DYM: variants seen among roughly 807,000 people sequenced by gnomAD.
The protein encoded by DYM is dymeclin, also known as dyggve-Melchior-Clausen syndrome protein.
Under a neutral mutation model 93.1 loss-of-function variants are expected in DYM, and 78 were observed. The observed-to-expected ratio is 0.84, with a 90% CI of 0.70 to 1.01. The LOEUF is 1.01. Among genes scored for constraint, DYM ranks in the 50% least tolerant of loss-of-function variants. The pLI, the probability that DYM is intolerant of heterozygous loss-of-function variation, is 0.00. For missense variants in DYM, 789 were observed against 845.0 expected (o/e 0.93, Z 0.82); for synonymous variants, 321 against 319.7 (o/e 1.00, Z -0.04).
chr18:49,111,412 T>C (rs2081378755), intron 16 of DYM, among the ~76,000 whole-genome samples: 2 of 152,316 alleles, frequency 1.3e-5, no homozygotes, highest in Non-Finnish European at 2.9e-5. Context: ...TACATTTTTC[T>C]TGCCTTTTTA....
At chr18:49,060,681 G>A (rs2075890990) in intron 17 of DYM, among the ~76,000 whole-genome samples, 1 of 72,530 alleles carries the variant, frequency 1.4e-5, no homozygotes, top group Non-Finnish European at 2.9e-5. Flanking sequence ...GGGGAAGGGA[G>A]GGGGGAGGGG....
intron 6 of DYM, among the ~76,000 whole-genome samples, chr18:49,335,044 T>C (rs1321108126): frequency 6.6e-6 from 1 of 151,926 alleles, no homozygotes; most frequent in Non-Finnish European, 1.5e-5. Context: ...GAGGCGGAAG[T>C]TGCAGTGAGC....
In DYM at chr18:49,038,196, G is replaced by A. The variant is rs2070773969; in HGVS notation, c.*5859C>T. ...GTTTGAAAAGTATGTTATTGAGTTT[G>A]GTGTCCTACATACATCCGTTTGGTT... On this transcript the variant is annotated 3_prime_UTR_variant, in exon 18 of 18. Coordinates refer to ENST00000675505, the MANE Select transcript of DYM (RefSeq NM_001353214.3). Among the ~76,000 whole-genome samples, 1 of 151,984 alleles carries A rather than the reference G, an allele frequency of 6.6e-6. No homozygotes were observed. Among genetic ancestry groups the A allele is most frequent in the Non-Finnish European group, 1.5e-5 (1 of 68,016 alleles).
At chr18:49,265,778 CAAAAAA>C (rs202068472) in intron 11 of DYM, among the ~76,000 whole-genome samples, 3 of 53,136 alleles carry the variant, frequency 5.6e-5, no homozygotes, top group Non-Finnish European at 1.1e-4. Context: ...AACTCCATCT[CAAAAAA>C]AAAAAAAAAA....
chr18:49,276,702 T>A (rs1469906478), intron 10 of DYM, among the ~76,000 whole-genome samples: 1 of 152,160 alleles, frequency 6.6e-6, no homozygotes, highest in Non-Finnish European at 1.5e-5. Flanking sequence ...TTATAAAGTG[T>A]CTTGTTAGCC....
chr18:49,074,725 C>A (rs1021560194), intron 17 of DYM, among the ~76,000 whole-genome samples: 12 of 152,128 alleles, frequency 7.9e-5, no homozygotes, highest in African/African-American at 2.9e-4. Context: ...AGTTTAACGG[C>A]CAAAAGCAAA....
chr18:49,103,497 T>C (rs1398054463), intron 16 of DYM, among the ~76,000 whole-genome samples: 3 of 152,240 alleles, frequency 2.0e-5, no homozygotes, highest in African/African-American at 4.8e-5. Context: ...TATGTCTATG[T>C]CCTGAATGGT....
At position 49,316,596 on chromosome 18, in the gene DYM, G is replaced by A. The variant is rs1318618025; in HGVS notation, c.763+15268C>T. ...GATAATAAAAACAACGTTTACTGAA[G>A]TTTATAACAATAGGAGAAATGTGAT... On this transcript the variant is annotated intron_variant, in intron 8 of 17. Transcript: ENST00000675505. Among the ~76,000 whole-genome samples, 5 of 152,152 alleles carry A rather than the reference G, an allele frequency of 3.3e-5. No homozygotes were observed. The East Asian group carries it at 5.8e-4, about 18-fold the overall frequency.
chr18:49,433,541 T>C (rs1209529405), intron 1 of DYM, among the ~76,000 whole-genome samples: 4 of 152,062 alleles, frequency 2.6e-5, no homozygotes, highest in African/African-American at 9.7e-5. Flanking sequence ...AGAAAATATG[T>C]AAAGTTAGTA....
At chr18:49,203,926 G>A (rs1190374318) in intron 14 of DYM, among the ~76,000 whole-genome samples, 1 of 40,920 alleles carries the variant, frequency 2.4e-5, no homozygotes, top group Admixed American at 2.6e-4. Flanking sequence ...AATTCTATGG[G>A]GCAGAGCTGC....
chr18:49,050,992 T>C (rs2072368507), intron 17 of DYM, among the ~76,000 whole-genome samples: 1 of 152,068 alleles, frequency 6.6e-6, no homozygotes, highest in Non-Finnish European at 1.5e-5. Flanking sequence ...CACTCCATTA[T>C]AGAGATTTAA....
Position 49,391,583 on chromosome 18 carries a change from TC to T in DYM, c.193+9del. 1.2e-6 allele frequency: 2 copies of T among 1,613,292 alleles called. No individual in the cohort carries two copies. The highest frequency in any genetic ancestry group is 3.3e-5 in the Admixed American group (2 of 60,010). On this transcript the variant is annotated intron_variant, in intron 3 of 17. Coordinates refer to ENST00000675505, the MANE Select transcript of DYM (RefSeq NM_001353214.3). ...GAAAACAACACCCCACACACATTTTTCCCACTTACCTAATGACCTGCAGACT... is the reference window on the plus strand; with the variant it reads ...GAAAACAACACCCCACACACATTTTTCCACTTACCTAATGACCTGCAGACT...
chr18:49,238,791 C>CA (rs796615887), intron 13 of DYM, among the ~76,000 whole-genome samples: 1,468 of 93,864 alleles, frequency 0.016, 20 homozygotes, highest in African/African-American at 0.035. Context: ...GACTCCGTCT[C>CA]AAAAAAAAAA....
At chr18:49,053,733 C>T (rs372572788) in intron 17 of DYM, among the ~76,000 whole-genome samples, 1 of 152,144 alleles carries the variant, frequency 6.6e-6, no homozygotes, top group Non-Finnish European at 1.5e-5. Context: ...TTGGGGATTA[C>T]GTAGCCTCAC....
chr18:49,095,467 T>G (rs1241778870), intron 17 of DYM, among the ~76,000 whole-genome samples: 1 of 151,738 alleles, frequency 6.6e-6, no homozygotes, highest in African/African-American at 2.4e-5. Flanking sequence ...TTTTGTTTTG[T>G]TTTTAAACTG....
intron 13 of DYM, among the ~76,000 whole-genome samples, chr18:49,225,050 C>T (rs932295036): frequency 1.3e-5 from 2 of 152,046 alleles, no homozygotes; most frequent in Non-Finnish European, 1.5e-5. Context: ...TGGTGACCAA[C>T]AATTCTTTTC....
At chr18:49,370,295 A>AAAC (rs1555713864) in intron 5 of DYM, among the ~76,000 whole-genome samples, 6 of 146,716 alleles carry the variant, frequency 4.1e-5, no homozygotes, top group Non-Finnish European at 6.0e-5. Flanking sequence ...AAAAAAAAAA[A>AAAC]AAAACAAAAC....
At chr18:49,269,451 C>T (rs2094635086) in intron 11 of DYM, among the ~76,000 whole-genome samples, 1 of 152,196 alleles carries the variant, frequency 6.6e-6, no homozygotes, top group Non-Finnish European at 1.5e-5. Context: ...CACAATTCCT[C>T]TTCTGGGCAT....
chr18:49,444,092 C>T (rs559781814), intron 1 of DYM, among the ~76,000 whole-genome samples: 52 of 152,300 alleles, frequency 3.4e-4, no homozygotes, highest in Admixed American at 1.2e-3. Context: ...ACAAAATTTA[C>T]AAGCCTTGTG....
Sources: gnomAD v4.1 joint callset for allele counts (sites outside exome capture counted in the v4.1 genomes callset) on GRCh38, gnomAD v4.1.1 for gene constraint, MANE v1.5 for transcripts, NCBI Gene and HGNC (gene_info 2026-07-23, HGNC 2026-07-21) for gene names.